Variants in PARP1 observed in about 807,000 individuals in gnomAD.
PARP1 encodes poly [ADP-ribose] polymerase 1.
PARP1 carries 44 observed loss-of-function variants against 118.7 expected under a neutral mutation model. The ratio of observed to expected loss-of-function variants is 0.37; its 90% CI spans 0.29 to 0.48. The LOEUF is 0.48. PARP1 is among the 20% of genes least tolerant of loss of function. The pLI is 0.99. For missense variants in PARP1, 1,100 were observed against 1,272.4 expected (o/e 0.86, Z 2.06); for synonymous variants, 492 against 483.2 (o/e 1.02, Z -0.24).
intron 9 of PARP1, among the ~76,000 whole-genome samples, chr1:226,380,639 C>T (rs1664586316): frequency 6.6e-6 from 1 of 152,186 alleles, no homozygotes; most frequent in Non-Finnish European, 1.5e-5. Context: ...TGAGCAGCTT[C>T]CCTTATCCGA....
At chr1:226,368,900 A>G (rs544973864) in intron 15 of PARP1, among the ~76,000 whole-genome samples, 61 of 152,338 alleles carry the variant, frequency 4.0e-4, no homozygotes, top group Admixed American at 3.3e-3. Flanking sequence ...ATGCACAGAG[A>G]TGGAAGAGCG....
At chr1:226,362,619 G>A (rs1211176212) in intron 21 of PARP1, among the ~76,000 whole-genome samples, 1 of 152,226 alleles carries the variant, frequency 6.6e-6, no homozygotes. Context: ...CAACCAGGCA[G>A]TGGAAGGTTC....
Sources: allele counts gnomAD v4.1 joint callset (sites outside exome capture counted in the v4.1 genomes callset), GRCh38; gene constraint gnomAD v4.1.1; transcripts MANE v1.5; gene names NCBI Gene and HGNC (gene_info 2026-07-23, HGNC 2026-07-21).